The following PKD1L3 variants were observed in gnomAD, a reference collection of about 807,000 sequenced individuals.
PKD1L3 encodes polycystin-1-like protein 3.
A neutral mutation model predicts 184.1 loss-of-function variants in PKD1L3; 239 were observed. The observed-to-expected ratio is 1.30, with a 90% CI of 1.17 to 1.45. The LOEUF (loss-of-function observed/expected upper bound fraction) is 1.45, where lower values mean the gene tolerates loss of function less well. PKD1L3 is among the 40% of genes most tolerant of loss of function. The pLI, the probability that PKD1L3 is intolerant of heterozygous loss-of-function variation, is 0.00. For synonymous variants in PKD1L3, 996 were observed against 778.8 expected, an observed-to-expected ratio of 1.28 and a Z score of -4.64; for missense variants, 2,660 against 2,067.2, an observed-to-expected ratio of 1.29 and a Z score of -5.56.
chr16:71,947,252 C>T (rs879291564), intron 22 of PKD1L3, among the ~76,000 whole-genome samples: 3 of 151,802 alleles, frequency 2.0e-5, no homozygotes, highest in Non-Finnish European at 2.9e-5. Flanking sequence ...AGTGAAACTC[C>T]GTCTCAAAAA....
intron 27 of PKD1L3, 83 bp from the exon 28 acceptor site, chr16:71,933,604 A>C: frequency 9.8e-7 from 1 of 1,020,510 alleles, no homozygotes; most frequent in South Asian, 1.4e-5. Flanking sequence ...TGGCCAACAT[A>C]GAAGCAATGG....
At chr16:71,993,000 T>C (rs2040648862) in intron 3 of PKD1L3, among the ~76,000 whole-genome samples, 1 of 152,230 alleles carries the variant, frequency 6.6e-6, no homozygotes, top group Non-Finnish European at 1.5e-5. Flanking sequence ...GTCTTTTATT[T>C]GGGAATATAT....
At position 71,970,106 on chromosome 16, in the gene PKD1L3, C is replaced by T. The variant is rs748981729; in HGVS notation, c.1954-1G>A. On this transcript the variant is annotated splice_acceptor_variant, in intron 12 of 29. Coordinates refer to ENST00000620267, the MANE Select transcript of PKD1L3 (RefSeq NM_181536.2). LOFTEE classifies it high-confidence loss of function. ...TCAGAATTGTGCTCTGTGGCCCAAC[C>T]TGGAATTAGAATCAAGACGTTGATT... The T allele has an allele frequency of 3.9e-6, 6 of 1,550,586 alleles. No homozygotes were observed. In the Admixed American group the frequency reaches 5.9e-5, roughly 15 times the overall value.
At chr16:71,936,106 A>T (rs1419199379) in intron 25 of PKD1L3, among the ~76,000 whole-genome samples, 4 of 148,276 alleles carry the variant, frequency 2.7e-5, no homozygotes, top group Non-Finnish European at 6.0e-5. Context: ...AAAATTTCTA[A>T]ATTAGTTATC....
intron 26 of PKD1L3, among the ~76,000 whole-genome samples, chr16:71,934,710 T>C (rs1212085852): frequency 6.6e-6 from 1 of 152,026 alleles, no homozygotes; most frequent in Non-Finnish European, 1.5e-5. Context: ...CCACAGACAC[T>C]AGCAAGTGGC....
At chr16:71,968,407 T>A (rs1382633279) in intron 13 of PKD1L3, among the ~76,000 whole-genome samples, 1 of 152,154 alleles carries the variant, frequency 6.6e-6, no homozygotes, top group Admixed American at 6.6e-5. Context: ...CAAATTTAAC[T>A]AGGTAGCCTG....
rs528144712 is a variant in PKD1L3, at chr16:71,992,818, C to T, written c.535+398G>A. Among the ~76,000 whole-genome samples, 33 of 152,270 alleles carry T rather than the reference C, an allele frequency of 2.2e-4. 1 individual carries two copies. The South Asian group carries it at 5.6e-3, about 26-fold the overall frequency. ...TCTTTCTTTCAGTTGATCTCTATAA[C>T]CACCCATCCACCGATATTGATTGCC... is the stretch of plus-strand genomic sequence containing the variant. On this transcript the variant is annotated intron_variant, in intron 3 of 29. Coordinates refer to ENST00000620267, the MANE Select transcript of PKD1L3 (RefSeq NM_181536.2).
At chr16:71,929,807 G>A in intron 29 of PKD1L3, 129 bp from the exon 30 acceptor site, 1 of 1,062,002 alleles carries the variant, frequency 9.4e-7, no homozygotes, top group East Asian at 2.6e-5. Flanking sequence ...ATAATTTGCA[G>A]TCAGGCATTG....
intron 26 of PKD1L3, 21 bp from the exon 27 acceptor site, chr16:71,934,146 A>C (rs1249926970): frequency 6.4e-7 from 1 of 1,550,640 alleles, no homozygotes; most frequent in Non-Finnish European, 8.7e-7. Flanking sequence ...GAAAGCTGAC[A>C]GTTACTCAGC....
chr16:71,978,445 G>T, intron 9 of PKD1L3, 62 bp from the exon 10 acceptor site: 4 of 1,377,842 alleles, frequency 2.9e-6, no homozygotes, highest in East Asian at 2.9e-5. Context: ...GACCCCACTA[G>T]AAAGATATAT....
chr16:71,944,387 A>G (rs2038479154), intron 22 of PKD1L3, among the ~76,000 whole-genome samples: 2 of 152,198 alleles, frequency 1.3e-5, no homozygotes, highest in Non-Finnish European at 2.9e-5. Context: ...TACAGTAAAA[A>G]TGAGTTACTA....
chr16:71,977,306 G>T lies in PKD1L3; in HGVS notation c.1689C>A (p.Phe563Leu). 3.9e-6 allele frequency: 6 copies of T among 1,544,628 alleles called. No homozygotes were observed. Among genetic ancestry groups the T allele is most frequent in the Non-Finnish European group, 5.3e-6 (6 of 1,140,610 alleles). Residue 563 changes from phenylalanine (F) to leucine (L), a missense_variant, in exon 11 of 30, where the codon TTC (phenylalanine) becomes TTA (leucine). Transcript: ENST00000620267. ...SPLLMTLYLGFQYQPNCTHFH... is the reference protein window; with the variant it reads ...SPLLMTLYLGLQYQPNCTHFH... ...AGTGAGTGCAGTTAGGCTGATACTG[G>T]AACCCCAGGTAGAGTGTCATTAAAA...
At position 71,954,888 on chromosome 16, in the gene PKD1L3, G is replaced by A. The variant is rs141379676; in HGVS notation, c.2613-587C>T. Among the ~76,000 whole-genome samples, 914 of 152,278 alleles carry A rather than the reference G, an allele frequency of 6.0e-3. 6 individuals carry two copies. Among genetic ancestry groups the A allele is most frequent in the Admixed American group, 0.011 (173 of 15,286 alleles). ...AAAGTGGGAGTTTGACTTTTGTACA[G>A]TAACTGAAACTAAAAATGATTCACT... On this transcript the variant is annotated intron_variant, in intron 16 of 29. Coordinates refer to ENST00000620267, the MANE Select transcript of PKD1L3 (RefSeq NM_181536.2).
chr16:71,930,060 A>ACTTT lies in PKD1L3; in HGVS notation c.5046_5049dup (p.Ser1684LysfsTer4), dbSNP rs779306705. On this transcript the variant is annotated frameshift_variant, in exon 29 of 30. Transcript: ENST00000620267. LOFTEE classifies it low-confidence loss of function (END_TRUNC). Reference sequence around the variant, plus strand: ...ATCTTTTAGTTACCTACCTTAAGCGACTTTCTTTCTTTTCCAAAGGCCATG... The same window carrying ACTTT: ...ATCTTTTAGTTACCTACCTTAAGCGACTTTCTTTCTTTCTTTTCCAAAGGCCATG... The ACTTT allele has an allele frequency of 2.6e-6, 4 of 1,549,006 alleles. No homozygotes were observed. The South Asian group carries it at 3.6e-5, about 14-fold the overall frequency.
At chr16:71,933,807 C>T in intron 27 of PKD1L3, 108 bp downstream of exon 27, 2 of 1,243,622 alleles carry the variant, frequency 1.6e-6, no homozygotes, top group Admixed American at 2.2e-5. Flanking sequence ...ACCCGGCTTT[C>T]CTACTGTACC....
At chr16:71,990,888 A>C (rs2040564294) in intron 3 of PKD1L3, among the ~76,000 whole-genome samples, 1 of 152,198 alleles carries the variant, frequency 6.6e-6, no homozygotes, top group Non-Finnish European at 1.5e-5. Context: ...AAAGTTCAGA[A>C]AGCTGTTAAT....
chr16:71,991,491 A>G (rs573568992), intron 3 of PKD1L3, among the ~76,000 whole-genome samples: 2 of 152,224 alleles, frequency 1.3e-5, no homozygotes, highest in African/African-American at 4.8e-5. Context: ...TAAAATCCAC[A>G]TGGGAGGGAA....
chr16:71,976,784 C>A (rs2039941669), intron 11 of PKD1L3, among the ~76,000 whole-genome samples: 1 of 152,098 alleles, frequency 6.6e-6, no homozygotes, highest in Non-Finnish European at 1.5e-5. Flanking sequence ...TCTCTGTCTC[C>A]CAGGCTGGAG....
chr16:71,993,659 T>C (rs72787015), intron 2 of PKD1L3, among the ~76,000 whole-genome samples: 12 of 152,328 alleles, frequency 7.9e-5, no homozygotes, highest in Non-Finnish European at 1.6e-4. Context: ...GGTCTGATTT[T>C]TCACCAAAAA....
Sources: gnomAD v4.1 joint callset for allele counts (sites outside exome capture counted in the v4.1 genomes callset) on GRCh38, gnomAD v4.1.1 for gene constraint, MANE v1.5 for transcripts, NCBI Gene and HGNC (gene_info 2026-07-23, HGNC 2026-07-21) for gene names.